Variants in CDH7 observed in about 807,000 individuals in gnomAD.
CDH7 encodes cadherin-7.
Under a neutral mutation model 71.8 loss-of-function variants are expected in CDH7, and 25 were observed. The ratio of observed to expected loss-of-function variants is 0.35; its 90% CI spans 0.25 to 0.49. CDH7 has a LOEUF of 0.49. Among genes scored for constraint, CDH7 ranks in the 20% least tolerant of loss-of-function variants. The probability of loss-of-function intolerance (pLI) is 0.99; values close to 1 mark genes in which losing one functional copy is unlikely to be tolerated. For synonymous variants in CDH7, 381 were observed against 363.8 expected (o/e 1.05, Z -0.54); for missense variants, 862 against 974.6 (o/e 0.88, Z 1.54).
Position 65,771,083 on chromosome 18 carries a change from A to C in CDH7, c.210+8031A>C, listed in dbSNP as rs140943251. Reference sequence around the variant, plus strand: ...TTCTTACTCTTTTAATGAGGCTATCAGTATTATGGGATTCAGGTCCCAACC... The same window carrying C: ...TTCTTACTCTTTTAATGAGGCTATCCGTATTATGGGATTCAGGTCCCAACC... On this transcript the variant is annotated intron_variant, in intron 2 of 11. Coordinates refer to ENST00000397968, the MANE Select transcript of CDH7 (RefSeq NM_004361.5). Among the ~76,000 whole-genome samples, 565 of 152,238 alleles carry C rather than the reference A, an allele frequency of 3.7e-3. 3 individuals are homozygous for C. The highest frequency in any genetic ancestry group is 9.4e-3 in the Admixed American group (144 of 15,272).
In CDH7 at chr18:65,789,554, A is replaced by G. The variant is rs187838850; in HGVS notation, c.211-20150A>G. ...ATTTTAGAAACATCAATTCTGTTAC[A>G]GTCAAAGTCTGTAACATTTGGGATG... On this transcript the variant is annotated intron_variant, in intron 2 of 11. Coordinates refer to ENST00000397968, the MANE Select transcript of CDH7 (RefSeq NM_004361.5). Among the ~76,000 whole-genome samples the G allele has an allele frequency of 4.8e-3, 727 of 152,214 alleles. 7 individuals are homozygous for G. Among genetic ancestry groups the G allele is most frequent in the African/African-American group, 0.017 (698 of 41,520 alleles).
chr18:65,854,611 C>T (rs768643188), intron 7 of CDH7, among the ~76,000 whole-genome samples: 1 of 152,064 alleles, frequency 6.6e-6, no homozygotes, highest in Non-Finnish European at 1.5e-5. Context: ...TACATGAATT[C>T]ATTTAGACTG....
chr18:65,775,548 A>G (rs1387778045), intron 2 of CDH7, among the ~76,000 whole-genome samples: 1 of 152,210 alleles, frequency 6.6e-6, no homozygotes, highest in Non-Finnish European at 1.5e-5. Context: ...AAAACAACCT[A>G]AAGGATAAGG....
At chr18:65,848,513 A>G (rs973068517) in intron 7 of CDH7, among the ~76,000 whole-genome samples, 2 of 151,860 alleles carry the variant, frequency 1.3e-5, no homozygotes, top group African/African-American at 4.8e-5. Context: ...AAGGAGTGGT[A>G]GTGTAAGTAG....
intron 1 of CDH7, among the ~76,000 whole-genome samples, chr18:65,760,207 G>A (rs974879911): frequency 6.6e-6 from 1 of 152,044 alleles, no homozygotes; most frequent in Non-Finnish European, 1.5e-5. Context: ...CTCATGATTT[G>A]CTCATTTAAT....
intron 11 of CDH7, chr18:65,863,246 C>A (rs1314101886): frequency 2.4e-5 from 7 of 297,684 alleles, no homozygotes; most frequent in Admixed American, 4.8e-5. Context: ...CCATGTTGGG[C>A]AGGCTGGTCT....
At chr18:65,778,271 C>CAAA (rs148841669) in intron 2 of CDH7, among the ~76,000 whole-genome samples, 39 of 84,326 alleles carry the variant, frequency 4.6e-4, no homozygotes, top group East Asian at 2.0e-3. Flanking sequence ...GACTCTGTCT[C>CAAA]AAAAAAAAAA....
intron 1 of CDH7, among the ~76,000 whole-genome samples, chr18:65,752,172 C>G (rs573962220): frequency 1.3e-5 from 2 of 152,202 alleles, no homozygotes; most frequent in East Asian, 3.9e-4. Context: ...TCTGTAGCTA[C>G]TAGACAGGTG....
chr18:65,838,962 A>T (rs1912631552), intron 6 of CDH7, among the ~76,000 whole-genome samples: 1 of 152,244 alleles, frequency 6.6e-6, no homozygotes, highest in Non-Finnish European at 1.5e-5. Context: ...TAATACAGCA[A>T]GTATTTATAC....
At chr18:65,863,468 G>A (rs1913651092) in intron 11 of CDH7, 1 of 159,662 alleles carries the variant, frequency 6.3e-6, no homozygotes, top group African/African-American at 2.4e-5. Context: ...AATGGCTTAT[G>A]CTTTAAATTA....
chr18:65,842,070 A>G (rs1448389078), intron 6 of CDH7, among the ~76,000 whole-genome samples: 1 of 152,084 alleles, frequency 6.6e-6, no homozygotes, highest in Non-Finnish European at 1.5e-5. Flanking sequence ...AATATACTTG[A>G]CTGTTATTTC....
At chr18:65,845,157 CAT>C (rs1252294357) in intron 7 of CDH7, among the ~76,000 whole-genome samples, 3 of 148,792 alleles carry the variant, frequency 2.0e-5, no homozygotes, top group Non-Finnish European at 4.4e-5. Flanking sequence ...CACATACACA[CAT>C]ATTTTAAAGT....
At chr18:65,876,895 G>A (rs1210464135) in intron 11 of CDH7, among the ~76,000 whole-genome samples, 1 of 152,114 alleles carries the variant, frequency 6.6e-6, no homozygotes, top group Non-Finnish European at 1.5e-5. Context: ...AACAATCTAA[G>A]TGTCACACAT....
chr18:65,883,327 ATAG>A lies in CDH7; in HGVS notation c.*2439_*2441del, dbSNP rs2144078941. 1 of 152,052 alleles carries A rather than the reference ATAG, an allele frequency of 6.6e-6. No homozygotes were observed. Among genetic ancestry groups the A allele is most frequent in the South Asian group, 2.1e-4 (1 of 4,816 alleles). The allele number at this position is 152,052 out of a possible 1,614,324, so 9.4% of individuals were successfully genotyped here. A position where few individuals can be genotyped will look rare whatever the true frequency, so the allele number is the denominator to read the frequency against. On this transcript the variant is annotated 3_prime_UTR_variant, in exon 12 of 12. Coordinates refer to ENST00000397968, the MANE Select transcript of CDH7 (RefSeq NM_004361.5). ...ATGAAGTATTCTAAGCTTAATTGTA[ATAG>A]TAGTAAATTTTTTGCCGTTGCTTAT...
rs1179323323 is a variant in CDH7, at chr18:65,887,608, T to C, written c.*6714T>C. The C allele has an allele frequency of 6.6e-6, 1 of 152,156 alleles. No individual in the cohort carries two copies. The highest frequency in any genetic ancestry group is 1.5e-5 in the Non-Finnish European group (1 of 68,024). 9.4% of individuals were successfully genotyped at this position (152,156 alleles called of 1,614,324 possible). A position where few individuals can be genotyped will look rare whatever the true frequency, so the allele number is the denominator to read the frequency against. On this transcript the variant is annotated 3_prime_UTR_variant, in exon 12 of 12. Transcript: ENST00000397968. ...GTGTGCGTATGTGTGTGTGTATATA[T>C]AGACAGCATGCGCACACATACATAC...
intron 11 of CDH7, among the ~76,000 whole-genome samples, chr18:65,875,168 T>A (rs533074786): frequency 3.1e-4 from 47 of 152,306 alleles, no homozygotes; most frequent in African/African-American, 1.1e-3. Context: ...AGCCAAAAGA[T>A]TGGACACCCC....
chr18:65,766,421 C>A (rs1916369460), intron 2 of CDH7, among the ~76,000 whole-genome samples: 1 of 151,990 alleles, frequency 6.6e-6, no homozygotes, highest in Non-Finnish European at 1.5e-5. Context: ...TAACCAAAGA[C>A]CAAAGTAGAA....
chr18:65,813,498 A>C (rs1911616519), intron 3 of CDH7, among the ~76,000 whole-genome samples: 1 of 152,182 alleles, frequency 6.6e-6, no homozygotes, highest in Admixed American at 6.5e-5. Flanking sequence ...GACTTGCTTA[A>C]GTCATTTTGA....
chr18:65,840,099 A>G (rs1350690118), intron 6 of CDH7, among the ~76,000 whole-genome samples: 1 of 152,206 alleles, frequency 6.6e-6, no homozygotes, highest in Non-Finnish European at 1.5e-5. Flanking sequence ...TGCCAAGTCT[A>G]ATAGTCACTA....
Sources: gnomAD v4.1 joint callset for allele counts (sites outside exome capture counted in the v4.1 genomes callset) on GRCh38, gnomAD v4.1.1 for gene constraint, MANE v1.5 for transcripts, NCBI Gene and HGNC (gene_info 2026-07-23, HGNC 2026-07-21) for gene names.